Variants in MAPK11 observed in about 807,000 individuals in gnomAD.
MAPK11 encodes mitogen-activated protein kinase 11, also known as MAP kinase 11.
MAPK11 carries 44 observed loss-of-function variants against 52.2 expected under a neutral mutation model. The observed-to-expected ratio is 0.84, with a 90% CI of 0.66 to 1.08. The LOEUF (loss-of-function observed/expected upper bound fraction) is 1.08. Ranked by LOEUF, MAPK11 falls within the 50% of genes least tolerant of loss-of-function variation. The pLI is 0.00. For synonymous variants in MAPK11, 233 were observed against 206.3 expected, an observed-to-expected ratio of 1.13 and a Z score of -1.11; for missense variants, 436 against 494.7, an observed-to-expected ratio of 0.88 and a Z score of 1.13.
chr22:50,268,489 C>G (rs2065283975), intron 1 of MAPK11, among the ~76,000 whole-genome samples: 1 of 152,174 alleles, frequency 6.6e-6, no homozygotes, highest in African/African-American at 2.4e-5. Context: ...GGAACAAAAC[C>G]GGGACAGAAG....
Position 50,266,535 on chromosome 22 carries a change from G to A in MAPK11, c.682+5C>T. 1 of 1,517,440 alleles carries A rather than the reference G, an allele frequency of 6.6e-7. No homozygotes were observed. 94.0% of individuals were successfully genotyped at this position (1,517,440 alleles called of 1,614,324 possible). ...ACCCTGCTCCCCAACCTGGGCCAAG[G>A]ATACAGTCGCTTCCCGGGAAGAGGG... On this transcript the variant is annotated splice_donor_5th_base_variant and intron_variant, in intron 8 of 11. Coordinates refer to ENST00000330651, the MANE Select transcript of MAPK11 (RefSeq NM_002751.7).
chr22:50,266,608 T>G lies in MAPK11; in HGVS notation c.614A>C (p.Asp205Ala). Residue 205 changes from aspartate (D) to alanine (A), a missense_variant, in exon 8 of 12, where the codon GAT becomes GCT. Coordinates refer to ENST00000330651, the MANE Select transcript of MAPK11 (RefSeq NM_002751.7). ...LNWMHYNQTV[D>A]IWSVGCIMAE... ...CATGATGCAGCCCACGGACCAGATA[T>G]CCACTGTGCGAGGGCGAGGGGACCT... 2 of 1,542,298 alleles carry G rather than the reference T, an allele frequency of 1.3e-6. No homozygotes were observed. The highest frequency in any genetic ancestry group is 1.7e-6 in the Non-Finnish European group (2 of 1,146,024).
In MAPK11 at chr22:50,270,266, G is replaced by T. The variant is rs201775880; in HGVS notation, c.27C>A (p.Tyr9Ter). The change falls in exon 1 of 12, where the codon TAC becomes TAA. Residue 9 changes from tyrosine to a stop codon, truncating the protein, a stop_gained. Transcript: ENST00000330651. LOFTEE classifies it high-confidence loss of function. The surrounding 1 kb of genome is among the most constrained non-coding windows in gnomAD (Gnocchi z 6.3). ...ACACGGTCTTGTTCAGCTCCTGCCG[G>T]TAGAAGCCGGCGCGAGGGCCCGACA... MSGPRAGFYRQELNKTVWE... is the reference protein window; with the variant it reads MSGPRAGF 2 of 1,434,424 alleles carry T rather than the reference G, an allele frequency of 1.4e-6. No individual in the cohort carries two copies. Among genetic ancestry groups the T allele is most frequent in the Non-Finnish European group, 9.2e-7 (1 of 1,091,480 alleles). The allele number at this position is 1,434,424 out of a possible 1,614,324, so 88.9% of individuals were successfully genotyped here. A position where few individuals can be genotyped will look rare whatever the true frequency, so the allele number is the denominator to read the frequency against.
chr22:50,268,467 G>A (rs569529395), intron 1 of MAPK11, among the ~76,000 whole-genome samples: 5 of 152,174 alleles, frequency 3.3e-5, no homozygotes, highest in Non-Finnish European at 5.9e-5. Flanking sequence ...GGTGTTTATT[G>A]CATCATTATT....
In MAPK11 at chr22:50,270,197, G is replaced by T; in HGVS notation, c.96C>A (p.Ser32=). The T allele has an allele frequency of 1.3e-6, 2 of 1,485,154 alleles. No individual in the cohort carries two copies. The highest frequency in any genetic ancestry group is 2.6e-5 in the South Asian group (2 of 78,216). The allele number at this position is 1,485,154 out of a possible 1,614,324, so 92.0% of individuals were successfully genotyped here. ...QRLQGLRPVG[S]GAYGSVCSAY... ...CCTACCAGACGGAGCCGTAGGCGCC[G>T]GAGCCCACCGGGCGCAGCCCCTGCA... The change falls in exon 1 of 12, where the codon TCC becomes TCA. Residue 32 remains serine (S), a synonymous_variant. Coordinates refer to ENST00000330651, the MANE Select transcript of MAPK11 (RefSeq NM_002751.7). This position sits in a 1 kb window ranked among gnomAD's most constrained non-coding sequence, Gnocchi z 6.3.
At chr22:50,265,879 A>G (rs2065257945) in intron 9 of MAPK11, among the ~76,000 whole-genome samples, 1 of 128,208 alleles carries the variant, frequency 7.8e-6, no homozygotes, top group Non-Finnish European at 1.6e-5. Flanking sequence ...CACTCCCTCC[A>G]CCCAGCCCAC....
intron 8 of MAPK11, 58 bp from the exon 9 acceptor site, chr22:50,266,363 C>A: frequency 1.3e-6 from 2 of 1,536,786 alleles, no homozygotes; most frequent in Non-Finnish European, 1.8e-6. Context: ...GGCCCCCAGA[C>A]CCAAAACTTT....
chr22:50,264,871 CGAG>C lies in MAPK11; in HGVS notation c.*74_*76del. The C allele has an allele frequency of 4.9e-6, 6 of 1,228,112 alleles. No individual in the cohort carries two copies. Among genetic ancestry groups the C allele is most frequent in the Non-Finnish European group, 5.8e-6 (5 of 864,686 alleles). 76.1% of individuals were successfully genotyped at this position (1,228,112 alleles called of 1,614,324 possible). A position where few individuals can be genotyped will look rare whatever the true frequency, so the allele number is the denominator to read the frequency against. On this transcript the variant is annotated 3_prime_UTR_variant, in exon 12 of 12. Coordinates refer to ENST00000330651, the MANE Select transcript of MAPK11 (RefSeq NM_002751.7). ...CCATAGGAGTGTGGGAGGTGCCTCT[CGAG>C]GAAACCAGGCCAGCTGTGGAAGGGT...
intron 1 of MAPK11, among the ~76,000 whole-genome samples, chr22:50,269,778 A>G (rs1427610713): frequency 6.6e-6 from 1 of 152,128 alleles, no homozygotes; most frequent in Non-Finnish European, 1.5e-5. Flanking sequence ...GGGGAGGGTC[A>G]TCCGCTAGAC....
intron 1 of MAPK11, among the ~76,000 whole-genome samples, chr22:50,268,518 C>T (rs1296806944): frequency 6.6e-6 from 1 of 152,186 alleles, no homozygotes; most frequent in Non-Finnish European, 1.5e-5. Context: ...CAGCTGAGGG[C>T]GTCAGCTGGA....
Position 50,265,400 on chromosome 22 carries a change from G to C in MAPK11, c.936C>G (p.His312Gln), listed in dbSNP as rs572173960. The C allele has an allele frequency of 2.5e-6, 4 of 1,613,126 alleles. No homozygotes were observed. The highest frequency in any genetic ancestry group is 2.5e-6 in the Non-Finnish European group (3 of 1,180,008). Reference protein sequence around the residue: ...ALAHAYFSQYHDPEDEPEAEP... With the variant: ...ALAHAYFSQYQDPEDEPEAEP... ...CGGCCTCTGGCTCATCCTCGGGGTCGTGGTACTGGCTGAAGTAGGCGTGGG... is the reference window on the plus strand; with the variant it reads ...CGGCCTCTGGCTCATCCTCGGGGTCCTGGTACTGGCTGAAGTAGGCGTGGG... The change falls in exon 11 of 12, where the codon CAC becomes CAG. Residue 312 changes from histidine to glutamine, a missense_variant. Physicochemically the swap from His to Gln is conservative, Grantham distance 24 (BLOSUM62 0). Transcript: ENST00000330651.
At chr22:50,268,093 G>T in intron 1 of MAPK11, 144 bp from the exon 2 acceptor site, 1 of 1,027,876 alleles carries the variant, frequency 9.7e-7, no homozygotes, top group Non-Finnish European at 1.3e-6. Context: ...GCCCCAGCTC[G>T]GCCTCCCACC....
At chr22:50,267,330 GC>G (rs34623088) in intron 4 of MAPK11, 40 bp downstream of exon 4, 5 of 763,306 alleles carry the variant, frequency 6.6e-6, no homozygotes, top group East Asian at 4.8e-5. Flanking sequence ...CGGCCCGCCC[GC>G]CCCCCTGCGA....
Position 50,264,844 on chromosome 22 carries a change from G to A in MAPK11, c.*104C>T. The A allele has an allele frequency of 1.2e-6, 1 of 842,052 alleles. No homozygotes were observed. The highest frequency in any genetic ancestry group is 1.9e-6 in the Non-Finnish European group (1 of 533,362). 52.2% of individuals were successfully genotyped at this position (842,052 alleles called of 1,614,324 possible). A position where few individuals can be genotyped will look rare whatever the true frequency, so the allele number is the denominator to read the frequency against. ...GAGGGGTCCTAGGCCAGAAGTCTGT[G>A]ACCATAGGAGTGTGGGAGGTGCCTC... On this transcript the variant is annotated 3_prime_UTR_variant, in exon 12 of 12. Transcript: ENST00000330651.
In MAPK11 at chr22:50,266,227, T is replaced by A. The variant is rs746024959; in HGVS notation, c.761A>T (p.His254Leu). 9.4e-6 allele frequency: 15 copies of A among 1,587,800 alleles called. No individual in the cohort carries two copies. Among genetic ancestry groups the A allele is most frequent in the Non-Finnish European group, 1.3e-5 (15 of 1,166,204 alleles). ...PEVLAKISSE[H>L]ARTYIQSLPP... Reference sequence around the variant, plus strand: ...GCTGGCTGGCGGGCACCAACTCACGTGTTCTGAGGAGATTTTTGCCAGAAC... The same window carrying A: ...GCTGGCTGGCGGGCACCAACTCACGAGTTCTGAGGAGATTTTTGCCAGAAC... The change falls in exon 9 of 12, where the codon CAC (histidine) becomes CTC (leucine). Residue 254 changes from histidine (H) to leucine (L), a missense_variant and splice_region_variant. By Grantham distance (99) the His-to-Leu change is moderately conservative. Transcript: ENST00000330651.
intron 1 of MAPK11, 98 bp from the exon 2 acceptor site, chr22:50,268,047 G>T: frequency 4.7e-6 from 6 of 1,287,902 alleles, no homozygotes; most frequent in Non-Finnish European, 4.0e-6. Flanking sequence ...TCTCCGTGGG[G>T]ATGGGGCCGT....
chr22:50,266,852 C>T (rs748808566), intron 7 of MAPK11, 82 bp downstream of exon 7: 9 of 1,359,182 alleles, frequency 6.6e-6, no homozygotes, highest in Non-Finnish European at 8.3e-6. Flanking sequence ...CCTTGCCTGC[C>T]CCCTAAGACC....
Position 50,264,822 on chromosome 22 carries a change from G to T in MAPK11, c.*126C>A. On this transcript the variant is annotated 3_prime_UTR_variant, in exon 12 of 12. Transcript: ENST00000330651. The stretch of plus-strand genomic sequence containing the variant: ...GCGTGTAGATTCTCCTGAAGGCGAG[G>T]GGTCCTAGGCCAGAAGTCTGTGACC... The T allele has an allele frequency of 1.6e-6, 1 of 625,132 alleles. No individual in the cohort carries two copies. The allele number at this position is 625,132 out of a possible 1,614,324, so 38.7% of individuals were successfully genotyped here. A position where few individuals can be genotyped will look rare whatever the true frequency, so the allele number is the denominator to read the frequency against.
rs200181697 is a variant in MAPK11 at position 50,265,648 on chromosome 22, T to C, written c.775A>G (p.Ile259Val). Residue 259 changes from isoleucine (I) to valine (V), a missense_variant, in exon 10 of 12, where the codon ATC becomes GTC. Ile to Val is a conservative substitution (Grantham distance 29, BLOSUM62 3). Transcript: ENST00000330651. ...TGGGGCATGGGGGGCAGGGACTGGA[T>C]ATATGTCCGGGCCTGGGGGCACACA... ...KISSEHARTY[I>V]QSLPPMPQKD... 1 of 1,583,020 alleles carries C rather than the reference T, an allele frequency of 6.3e-7. No homozygotes were observed. Among genetic ancestry groups the C allele is most frequent in the Non-Finnish European group, 8.6e-7 (1 of 1,162,354 alleles).
Sources: gnomAD v4.1 joint callset for allele counts (sites outside exome capture counted in the v4.1 genomes callset) on GRCh38, gnomAD v4.1.1 for gene constraint, Gnocchi (gnomAD v3.1) non-coding constraint, MANE v1.5 for transcripts, NCBI Gene and HGNC (gene_info 2026-07-23, HGNC 2026-07-21) for gene names.